Variants in COL5A2 observed in about 807,000 individuals in gnomAD.
COL5A2 encodes the protein collagen type V alpha 2 chain.
COL5A2 carries 23 observed loss-of-function variants against 208.2 expected under a neutral mutation model. That is an observed-to-expected ratio of 0.11 (90% CI 0.08 to 0.16). COL5A2 has a LOEUF of 0.16. Ranked by LOEUF, COL5A2 falls within the 10% of genes least tolerant of loss-of-function variation. The probability of loss-of-function intolerance (pLI) is 1.00; values close to 1 mark genes in which losing one functional copy is unlikely to be tolerated. For synonymous variants in COL5A2, 625 were observed against 628.5 expected, an observed-to-expected ratio of 0.99 and a Z score of 0.08; for missense variants, 1,590 against 1,956.4, an observed-to-expected ratio of 0.81 and a Z score of 3.53.
At chr2:189,224,868 T>C (rs897842232) in intron 1 of COL5A2, among the ~76,000 whole-genome samples, 2 of 152,194 alleles carry the variant, frequency 1.3e-5, no homozygotes, top group African/African-American at 4.8e-5. Context: ...TTGCAACTTA[T>C]ATGAAAGGCA....
the COL5A2 span, among the ~76,000 whole-genome samples, chr2:189,351,289 C>T: frequency 6.6e-6 from 1 of 152,148 alleles, no homozygotes; most frequent in African/African-American, 2.4e-5. Flanking sequence ...AGAACATCAT[C>T]CAAAGATTGT....
the COL5A2 span, among the ~76,000 whole-genome samples, chr2:189,269,714 T>A: frequency 6.6e-6 from 1 of 152,172 alleles, no homozygotes; most frequent in Non-Finnish European, 1.5e-5. Context: ...TTGTTGTGTC[T>A]CTGCCAGGTT....
the COL5A2 span, among the ~76,000 whole-genome samples, chr2:189,240,234 T>G: frequency 6.6e-6 from 1 of 152,176 alleles, no homozygotes; most frequent in Non-Finnish European, 1.5e-5. Flanking sequence ...ATTTGTTTCT[T>G]ATAGTTCTGG....
chr2:189,252,589 A>G, the COL5A2 span, among the ~76,000 whole-genome samples: 1 of 151,978 alleles, frequency 6.6e-6, no homozygotes, highest in Middle Eastern at 3.2e-3. Flanking sequence ...AGGAAGGGGA[A>G]CATCACACAC....
chr2:189,329,984 CA>C, the COL5A2 span, among the ~76,000 whole-genome samples: 3 of 151,576 alleles, frequency 2.0e-5, no homozygotes, highest in African/African-American at 7.3e-5. Flanking sequence ...GCAGGAAGAA[CA>C]AACTCATAAT....
upstream of COL5A2, among the ~76,000 whole-genome samples, chr2:189,181,199 G>A (rs1688774741): frequency 6.6e-6 from 1 of 152,194 alleles, no homozygotes; most frequent in African/African-American, 2.4e-5. Flanking sequence ...AGAAATCCAA[G>A]AACCTTTGCA....
At chr2:189,091,814 G>A (rs1033961170) in intron 7 of COL5A2, among the ~76,000 whole-genome samples, 3 of 152,092 alleles carry the variant, frequency 2.0e-5, no homozygotes, top group Non-Finnish European at 4.4e-5. Context: ...GTATTGAAAG[G>A]CTTTTTGTTT....
At chr2:189,426,986 T>G in the COL5A2 span, among the ~76,000 whole-genome samples, 2 of 152,198 alleles carry the variant, frequency 1.3e-5, no homozygotes, top group South Asian at 4.1e-4. Context: ...AGGGGAGGAA[T>G]TGAAGCAGCC....
chr2:189,108,740 C>T (rs958553020), intron 2 of COL5A2, among the ~76,000 whole-genome samples: 20 of 151,714 alleles, frequency 1.3e-4, no homozygotes, highest in African/African-American at 4.8e-4. Context: ...AGGGTTATCC[C>T]TTGCTTGCCT....
chr2:189,064,891 A>C (rs1686114157), intron 24 of COL5A2, 113 bp downstream of exon 24: 8 of 1,042,250 alleles, frequency 7.7e-6, no homozygotes, highest in Non-Finnish European at 1.2e-5. Context: ...ATTTGTATCC[A>C]TCTCCTTTCT....
the COL5A2 span, among the ~76,000 whole-genome samples, chr2:189,370,645 T>C: frequency 6.6e-6 from 1 of 152,042 alleles, no homozygotes; most frequent in Non-Finnish European, 1.5e-5. Flanking sequence ...AACATGCACA[T>C]ACAACACATA....
chr2:189,423,322 T>C, the COL5A2 span, among the ~76,000 whole-genome samples: 1 of 151,408 alleles, frequency 6.6e-6, no homozygotes, highest in South Asian at 2.1e-4. Flanking sequence ...CATTGCACCT[T>C]AAGGAACTAA....
At chr2:189,066,256 C>G in intron 23 of COL5A2, 134 bp downstream of exon 23, 1 of 862,150 alleles carries the variant, frequency 1.2e-6, no homozygotes, top group South Asian at 1.3e-5. Flanking sequence ...TTTCTATTTG[C>G]ACATAACTGT....
At chr2:189,102,320 C>G (rs1014851917) in intron 3 of COL5A2, among the ~76,000 whole-genome samples, 6 of 151,956 alleles carry the variant, frequency 3.9e-5, no homozygotes, top group African/African-American at 1.4e-4. Flanking sequence ...AAATTGTAGG[C>G]TTTTTGATAT....
chr2:189,438,190 T>TAA, the COL5A2 span, among the ~76,000 whole-genome samples: 170 of 129,036 alleles, frequency 1.3e-3, no homozygotes, highest in African/African-American at 4.3e-3. Flanking sequence ...ATGGCTAAAA[T>TAA]AAAAAAAAAA....
chr2:189,080,208 T>C (rs576797064), intron 13 of COL5A2, among the ~76,000 whole-genome samples, 177 bp from the exon 14 acceptor site: 3 of 152,286 alleles, frequency 2.0e-5, no homozygotes, highest in Admixed American at 1.3e-4. Context: ...CAAGGAAAAT[T>C]AGAGTTTTCA....
chr2:189,051,622 A>T, intron 41 of COL5A2, 141 bp from the exon 42 acceptor site: 1 of 680,438 alleles, frequency 1.5e-6, no homozygotes, highest in South Asian at 2.9e-5. Context: ...GTCATTCTAT[A>T]GGATTTAAAC....
the COL5A2 span, among the ~76,000 whole-genome samples, chr2:189,275,302 A>G: frequency 6.6e-6 from 1 of 152,086 alleles, no homozygotes; most frequent in Non-Finnish European, 1.5e-5. Flanking sequence ...TGATTCTCAT[A>G]AAAGGAAAAT....
At chr2:189,061,431 C>G in intron 30 of COL5A2, 131 bp downstream of exon 30, 1 of 720,680 alleles carries the variant, frequency 1.4e-6, no homozygotes, top group South Asian at 1.6e-5. Flanking sequence ...AATGTCTATA[C>G]TATCTACTAA....
Sources: gnomAD v4.1 joint callset for allele counts (sites outside exome capture counted in the v4.1 genomes callset) on GRCh38, gnomAD v4.1.1 for gene constraint, MANE v1.5 for transcripts, NCBI Gene and HGNC (gene_info 2026-07-23, HGNC 2026-07-21) for gene names.